The following PCDH7 variants were observed in gnomAD, a reference collection of about 807,000 sequenced individuals.
PCDH7 encodes the protein protocadherin-7.
PCDH7 carries 17 observed loss-of-function variants against 58.9 expected under a neutral mutation model. That is an observed-to-expected ratio of 0.29 (90% CI 0.20 to 0.43). The LOEUF is 0.43. Among genes scored for constraint, PCDH7 ranks in the 20% least tolerant of loss-of-function variants. PCDH7 has a pLI of 1.00. For synonymous variants in PCDH7, 664 were observed against 616.4 expected, an observed-to-expected ratio of 1.08 and a Z score of -1.14; for missense variants, 1,274 against 1,441.0, an observed-to-expected ratio of 0.88 and a Z score of 1.88.
exon 2 of PCDH7, chr4:30,731,800 C>G (rs1476912000): frequency 6.6e-6 from 1 of 151,976 alleles, no homozygotes; most frequent in African/African-American, 2.4e-5. Context: ...CTGGATGGCC[C>G]CTCTACCTCT....
At chr4:30,944,805 T>A (rs1444657308) in intron 2 of PCDH7, among the ~76,000 whole-genome samples, 1 of 152,160 alleles carries the variant, frequency 6.6e-6, no homozygotes, top group Non-Finnish European at 1.5e-5. Context: ...TAAGCAAATA[T>A]TACTCAATAC....
intron 3 of PCDH7, among the ~76,000 whole-genome samples, chr4:31,139,768 G>A (rs1720027878): frequency 6.6e-6 from 1 of 152,160 alleles, no homozygotes; most frequent in African/African-American, 2.4e-5. Context: ...TTGATTGCTT[G>A]TGATGAATCT....
At chr4:31,013,314 A>G (rs1175724292) in intron 3 of PCDH7, among the ~76,000 whole-genome samples, 1 of 138,816 alleles carries the variant, frequency 7.2e-6, no homozygotes, top group Non-Finnish European at 1.6e-5. Context: ...ATATATGTAT[A>G]CACACACACA....
At chr4:31,128,176 T>G (rs16867990) in intron 3 of PCDH7, among the ~76,000 whole-genome samples, 48,243 of 151,390 alleles carry the variant, frequency 0.32, 8,114 homozygotes, top group African/African-American at 0.42. Context: ...GACACACATA[T>G]AAAAGTCTGA....
chr4:30,752,495 A>G (rs1718663683), intron 1 of PCDH7, among the ~76,000 whole-genome samples: 1 of 152,186 alleles, frequency 6.6e-6, no homozygotes, highest in Non-Finnish European at 1.5e-5. Flanking sequence ...CTGAAACTTG[A>G]AAGAATTTCA....
chr4:31,035,247 CTTTTTTTTTTT>C lies in PCDH7; in HGVS notation c.*7+85046_*7+85056del, dbSNP rs35099580. 6.0e-5 allele frequency among the ~76,000 whole-genome samples: 6 copies of C among 99,380 alleles called. No individual in the cohort carries two copies. In the Admixed American group the frequency reaches 7.6e-4, roughly 13 times the overall value. 65.2% of individuals were successfully genotyped at this position (99,380 alleles called of 152,430 possible). A position where few individuals can be genotyped will look rare whatever the true frequency, so the allele number is the denominator to read the frequency against. On this transcript the variant is annotated intron_variant, in intron 3 of 3. Transcript: ENST00000509759. ...ATCTATGTTTTTTTTCCTTTTTTCC[CTTTTTTTTTTT>C]TTTTTTTTTTTTTGAGACGGAGTCT...
At chr4:30,815,604 A>G (rs779407126) in intron 1 of PCDH7, among the ~76,000 whole-genome samples, 50 of 152,150 alleles carry the variant, frequency 3.3e-4, no homozygotes, top group Non-Finnish European at 6.6e-4. Context: ...GTGTTTACTG[A>G]CGTTGAGCAC....
chr4:31,146,315 T>A (rs961486127), downstream of PCDH7: 1 of 151,322 alleles, frequency 6.6e-6, no homozygotes, highest in Non-Finnish European at 1.5e-5. Context: ...AGGTATATGC[T>A]CTCAGTGAGA....
intron 3 of PCDH7, among the ~76,000 whole-genome samples, chr4:31,071,176 CT>C (rs1256951479): frequency 6.6e-6 from 1 of 151,922 alleles, no homozygotes; most frequent in Non-Finnish European, 1.5e-5. Context: ...TTAATAGATT[CT>C]TTTTTAAAAC....
chr4:30,798,715 T>G (rs532998031), intron 1 of PCDH7, among the ~76,000 whole-genome samples: 110 of 152,334 alleles, frequency 7.2e-4, no homozygotes, highest in Non-Finnish European at 1.2e-3. Flanking sequence ...AATGAAGTCA[T>G]GCCTAGGAGG....
chr4:31,068,131 T>C (rs74866036), intron 3 of PCDH7, among the ~76,000 whole-genome samples: 2,920 of 151,980 alleles, frequency 0.019, 87 homozygotes, highest in African/African-American at 0.067. Flanking sequence ...GGACCTTAAA[T>C]TTTTTTGCAA....
chr4:31,134,596 CA>C (rs1719374182), intron 3 of PCDH7, among the ~76,000 whole-genome samples: 1 of 152,174 alleles, frequency 6.6e-6, no homozygotes, highest in Non-Finnish European at 1.5e-5. Flanking sequence ...ATTGCTTTGT[CA>C]ATGAACTATT....
intron 3 of PCDH7, among the ~76,000 whole-genome samples, chr4:31,113,133 T>C (rs1716533812): frequency 1.3e-5 from 2 of 152,226 alleles, no homozygotes; most frequent in South Asian, 4.1e-4. Context: ...AGAGATTGTT[T>C]ATTGGAAAAT....
intron 1 of PCDH7, among the ~76,000 whole-genome samples, chr4:30,792,957 A>C (rs897442216): frequency 6.6e-6 from 1 of 152,164 alleles, no homozygotes; most frequent in African/African-American, 2.4e-5. Context: ...TTACATAAAA[A>C]AGTATGCCAT....
chr4:30,743,201 G>A lies in PCDH7; in HGVS notation c.70+18605G>A, dbSNP rs1041637902. Reference sequence around the variant, plus strand: ...TCCTAAGGAAAAAAATAGATTTTTCGAAAAGAATATCTTGTAACCAAAAAT... The same window carrying A: ...TCCTAAGGAAAAAAATAGATTTTTCAAAAAGAATATCTTGTAACCAAAAAT... On this transcript the variant is annotated intron_variant, in intron 1 of 3. Coordinates refer to the PCDH7 transcript ENST00000509759. Among the ~76,000 whole-genome samples, 6 of 152,112 alleles carry A rather than the reference G, an allele frequency of 3.9e-5. No individual in the cohort carries two copies. The South Asian group carries it at 1.0e-3, about 26-fold the overall frequency.
At chr4:30,902,664 T>C (rs1740380088) in intron 1 of PCDH7, among the ~76,000 whole-genome samples, 1 of 140,160 alleles carries the variant, frequency 7.1e-6, no homozygotes. Context: ...AAAATGCCCA[T>C]ATCTATAAAC....
chr4:30,913,463 C>T (rs1367780384), intron 1 of PCDH7, among the ~76,000 whole-genome samples: 1 of 151,882 alleles, frequency 6.6e-6, no homozygotes, highest in African/African-American at 2.4e-5. Flanking sequence ...ACTTAACTTT[C>T]CTTGAACTCT....
At chr4:31,111,073 G>T (rs916458165) in intron 3 of PCDH7, among the ~76,000 whole-genome samples, 1 of 151,974 alleles carries the variant, frequency 6.6e-6, no homozygotes, top group Admixed American at 6.6e-5. Flanking sequence ...TAGTGTCACC[G>T]TGAAGAATAC....
At chr4:30,781,111 G>T (rs1030174336) in intron 1 of PCDH7, among the ~76,000 whole-genome samples, 1 of 152,016 alleles carries the variant, frequency 6.6e-6, no homozygotes, top group Non-Finnish European at 1.5e-5. Context: ...ACATGACTGG[G>T]CTGATACATA....
Sources: gnomAD v4.1 joint callset for allele counts (sites outside exome capture counted in the v4.1 genomes callset) on GRCh38, gnomAD v4.1.1 for gene constraint, MANE v1.5 for transcripts, NCBI Gene and HGNC (gene_info 2026-07-23, HGNC 2026-07-21) for gene names.